Variants in NPHP4 observed in about 807,000 individuals in gnomAD.
NPHP4 encodes nephrocystin-4.
In NPHP4, 151 loss-of-function variants were observed where a neutral mutation model predicts 155.8. The observed-to-expected ratio is 0.97, with a 90% CI of 0.85 to 1.11. The LOEUF is 1.11. Ranked by LOEUF, NPHP4 falls within the 50% of genes least tolerant of loss-of-function variation. The pLI is 0.00. For synonymous variants in NPHP4, 845 were observed against 816.8 expected (o/e 1.03, Z -0.59); for missense variants, 1,956 against 1,925.7 (o/e 1.02, Z -0.29).
At chr1:5,957,149 T>C (rs1649397177) in intron 6 of NPHP4, among the ~76,000 whole-genome samples, 3 of 152,176 alleles carry the variant, frequency 2.0e-5, no homozygotes, top group African/African-American at 7.2e-5. Flanking sequence ...GGCCTACCTT[T>C]AATTTATCTG....
In NPHP4 at chr1:5,946,211, T is replaced by C. The variant is rs567092379; in HGVS notation, c.1119+893A>G. Reference sequence around the variant, plus strand: ...CCATGGAAAAGGCGGAACTGCATTATTGACTTTTTCAAACAGAAAACTAAA... The same window carrying C: ...CCATGGAAAAGGCGGAACTGCATTACTGACTTTTTCAAACAGAAAACTAAA... On this transcript the variant is annotated intron_variant, in intron 9 of 29. Coordinates refer to ENST00000378156, the MANE Select transcript of NPHP4 (RefSeq NM_015102.5). Among the ~76,000 whole-genome samples, 26 of 152,344 alleles carry C rather than the reference T, an allele frequency of 1.7e-4. No homozygotes were observed. In the East Asian group the frequency reaches 2.1e-3, roughly 12 times the overall value.
intron 9 of NPHP4, among the ~76,000 whole-genome samples, chr1:5,939,046 A>G (rs897389514): frequency 1.3e-5 from 2 of 152,216 alleles, no homozygotes; most frequent in African/African-American, 2.4e-5. Flanking sequence ...AATATACTCG[A>G]GCAATGCAAA....
chr1:5,928,163 T>TC (rs1646105892), intron 10 of NPHP4, among the ~76,000 whole-genome samples: 1 of 151,808 alleles, frequency 6.6e-6, no homozygotes, highest in African/African-American at 2.4e-5. Context: ...GCCAGCCCCA[T>TC]CCCCCCAGGG....
chr1:5,947,192 C>A lies in NPHP4; in HGVS notation c.1031G>T (p.Arg344Leu). The A allele has an allele frequency of 6.2e-7, 1 of 1,613,814 alleles. No individual in the cohort carries two copies. The highest frequency in any genetic ancestry group is 8.5e-7 in the Non-Finnish European group (1 of 1,179,814). Residue 344 changes from arginine (R) to leucine (L), a missense_variant, in exon 9 of 30, where the codon CGC becomes CTC. Transcript: ENST00000378156. Reference protein sequence around the residue: ...SQALVLRSRLRLPEMVGHPAF... With the variant: ...SQALVLRSRLLLPEMVGHPAF... ...AGGGTGGCCGACCATCTCTGGGAGG[C>A]GGAGGCGGCTTCTCAAAACCAGAGC...
intron 11 of NPHP4, among the ~76,000 whole-genome samples, chr1:5,909,493 G>T (rs1167974882): frequency 6.6e-6 from 1 of 152,138 alleles, no homozygotes; most frequent in African/African-American, 2.4e-5. Context: ...CACAGCTTGG[G>T]GTGCTTGGAG....
intron 11 of NPHP4, among the ~76,000 whole-genome samples, chr1:5,927,362 C>T (rs922313039): frequency 6.6e-6 from 1 of 152,214 alleles, no homozygotes; most frequent in Non-Finnish European, 1.5e-5. Flanking sequence ...CCCACATTTG[C>T]AGGGCATCCA....
chr1:5,989,786 T>C (rs926158375), intron 1 of NPHP4, among the ~76,000 whole-genome samples: 1 of 152,232 alleles, frequency 6.6e-6, no homozygotes, highest in Non-Finnish European at 1.5e-5. Flanking sequence ...CCTGGGTGTC[T>C]GCAGGACTCA....
intron 23 of NPHP4, among the ~76,000 whole-genome samples, chr1:5,869,941 CAGT>C (rs1197814610): frequency 6.6e-6 from 1 of 152,190 alleles, no homozygotes; most frequent in Admixed American, 6.5e-5. Flanking sequence ...ACACTAGAAA[CAGT>C]AGTCTGTGCA....
rs57672446 is a variant in NPHP4 at position 5,931,363 on chromosome 1, A to G, written c.1302+1784T>C. 9.4e-3 allele frequency among the ~76,000 whole-genome samples: 1,422 copies of G among 151,674 alleles called. 14 individuals are homozygous for G. The highest frequency in any genetic ancestry group is 0.032 in the African/African-American group (1,318 of 41,294). On this transcript the variant is annotated intron_variant, in intron 10 of 29. Coordinates refer to ENST00000378156, the MANE Select transcript of NPHP4 (RefSeq NM_015102.5). ...CAGTGCATTTAAAAGTTGTATTTATACTATACTGTAGTCAATAGGTGTGTA... is the reference window on the plus strand; with the variant it reads ...CAGTGCATTTAAAAGTTGTATTTATGCTATACTGTAGTCAATAGGTGTGTA...
chr1:5,986,278 C>T lies in NPHP4; in HGVS notation c.12G>A (p.Trp4Ter), dbSNP rs780905861. The change falls in exon 2 of 30, where the codon TGG becomes TGA. Residue 4 changes from tryptophan to a stop codon, truncating the protein, a stop_gained. Coordinates refer to ENST00000378156, the MANE Select transcript of NPHP4 (RefSeq NM_015102.5). LOFTEE classifies it high-confidence loss of function. MND[W>*]HRIFTQNVLV... ...GCACGTTTTGGGTGAAGATCCTGTG[C>T]CAGTCGTTCATCCTGCCCGCCTGAG... 1.4e-5 allele frequency: 23 copies of T among 1,613,548 alleles called. No homozygotes were observed. The South Asian group carries it at 2.1e-4, about 15-fold the overall frequency.
At chr1:5,964,941 A>ATATATATATATTTTTTTTTTTTTTTTT in intron 5 of NPHP4, among the ~76,000 whole-genome samples, 6 of 59,402 alleles carry the variant, frequency 1.0e-4, no homozygotes, top group South Asian at 5.2e-4. Flanking sequence ...ATATATATAT[A>ATATATATATATTTTTTTTTTTTTTTTT]TTTTTTTTTT....
chr1:5,895,099 G>A (rs775086245), intron 16 of NPHP4, among the ~76,000 whole-genome samples: 4 of 151,702 alleles, frequency 2.6e-5, no homozygotes, highest in African/African-American at 7.3e-5. Context: ...ACCAAACACC[G>A]CATGTTCTCA....
chr1:5,956,306 AC>A (rs1349940876), intron 6 of NPHP4, among the ~76,000 whole-genome samples: 1 of 152,232 alleles, frequency 6.6e-6, no homozygotes, highest in Non-Finnish European at 1.5e-5. Flanking sequence ...ACCAGGGTGC[AC>A]ACGCACCCCC....
intron 6 of NPHP4, among the ~76,000 whole-genome samples, chr1:5,956,656 G>A (rs115310387): frequency 0.02 from 3,046 of 152,254 alleles, 48 homozygotes; most frequent in African/African-American, 0.053. Context: ...AGCTGGGCCC[G>A]GTGCTGAGTG....
At position 5,887,323 on chromosome 1, in the gene NPHP4, C is replaced by G; in HGVS notation, c.2448G>C (p.Val816=). The change falls in exon 18 of 30, where the codon GTG becomes GTC. Residue 816 remains valine, a synonymous_variant. Transcript: ENST00000378156. ...AAGTCAGGTGCAGCCGGCCCTTCACCACCGAGTGGACGCCGATGGGCTTGA... is the reference window on the plus strand; with the variant it reads ...AAGTCAGGTGCAGCCGGCCCTTCACGACCGAGTGGACGCCGATGGGCTTGA... ...GRVKPIGVHS[V]VKGRLHLTLA... is the part of the protein sequence containing the mutation. 6.2e-7 allele frequency: 1 copy of G among 1,613,582 alleles called. No homozygotes were observed. Among genetic ancestry groups the G allele is most frequent in the Middle Eastern group, 1.7e-4 (1 of 6,060 alleles).
chr1:5,926,275 T>C (rs1253929582), intron 11 of NPHP4, among the ~76,000 whole-genome samples: 1 of 152,194 alleles, frequency 6.6e-6, no homozygotes, highest in Non-Finnish European at 1.5e-5. Context: ...CTTAATGATG[T>C]AGTTTGTCCC....
At chr1:5,864,985 G>T (rs893007580) in intron 27 of NPHP4, 117 bp downstream of exon 27, 47 of 1,003,130 alleles carry the variant, frequency 4.7e-5, no homozygotes, top group Non-Finnish European at 6.9e-5. Flanking sequence ...TCTGCGCGCT[G>T]GAGGCGCTGG....
At chr1:5,978,533 T>C in intron 2 of NPHP4, 120 bp from the exon 3 acceptor site, 5 of 895,032 alleles carry the variant, frequency 5.6e-6, no homozygotes, top group South Asian at 3.2e-5. Flanking sequence ...GCTGGTTTCC[T>C]TATTGGGAGG....
intron 10 of NPHP4, among the ~76,000 whole-genome samples, chr1:5,930,649 T>G (rs2101708227): frequency 6.6e-6 from 1 of 152,364 alleles, no homozygotes. Flanking sequence ...CTGTATAATC[T>G]CAACTCTCTT....
Sources: gnomAD v4.1 joint callset for allele counts (sites outside exome capture counted in the v4.1 genomes callset) on GRCh38, gnomAD v4.1.1 for gene constraint, MANE v1.5 for transcripts, NCBI Gene and HGNC (gene_info 2026-07-23, HGNC 2026-07-21) for gene names.